ROR2: variants seen among roughly 807,000 people sequenced by gnomAD.
ROR2 encodes the protein tyrosine-protein kinase transmembrane receptor ROR2.
Under a neutral mutation model 74.9 loss-of-function variants are expected in ROR2, and 33 were observed. The observed-to-expected ratio is 0.44, with a 90% confidence interval of 0.33 to 0.59. The LOEUF (loss-of-function observed/expected upper bound fraction) is 0.59, where lower values mean the gene tolerates loss of function less well. Among genes scored for constraint, ROR2 ranks in the 20% least tolerant of loss-of-function variants. The pLI is 0.02. For synonymous variants in ROR2, 586 were observed against 558.7 expected (o/e 1.05, Z -0.69); for missense variants, 1,216 against 1,313.8 (o/e 0.93, Z 1.15).
chr9:91,859,691 G>A (rs772897012), intron 1 of ROR2, among the ~76,000 whole-genome samples: 28 of 152,044 alleles, frequency 1.8e-4, no homozygotes, highest in Non-Finnish European at 3.8e-4. Flanking sequence ...CGGTCGTGGT[G>A]GTGCACACCT....
chr9:91,884,262 C>T (rs2119373782), intron 1 of ROR2, among the ~76,000 whole-genome samples: 1 of 152,156 alleles, frequency 6.6e-6, no homozygotes. Flanking sequence ...GAAATACATC[C>T]AAATAAACAC....
intron 1 of ROR2, among the ~76,000 whole-genome samples, chr9:91,906,160 CAGA>C (rs531197418): frequency 3.7e-4 from 56 of 152,248 alleles, no homozygotes; most frequent in Middle Eastern, 3.4e-3. Flanking sequence ...ACTCCGCCTG[CAGA>C]AGGAGGTGGC....
intron 1 of ROR2, among the ~76,000 whole-genome samples, chr9:91,922,948 ACT>A (rs1460643603): frequency 6.6e-6 from 1 of 151,358 alleles, no homozygotes; most frequent in African/African-American, 2.4e-5. Context: ...CCTCCAACAG[ACT>A]CACTCTGCCT....
intron 5 of ROR2, among the ~76,000 whole-genome samples, chr9:91,736,516 A>C (rs923237449): frequency 6.6e-5 from 10 of 152,170 alleles, no homozygotes; most frequent in African/African-American, 2.4e-4. Flanking sequence ...CATGGAGAGG[A>C]TCCAACTAAA....
Position 91,726,564 on chromosome 9 carries a change from G to A in ROR2, c.1363C>T (p.Pro455Ser), listed in dbSNP as rs778708632. 1.4e-5 allele frequency: 22 copies of A among 1,612,626 alleles called. No individual in the cohort carries two copies. The highest frequency in any genetic ancestry group is 4.0e-5 in the African/African-American group (3 of 74,880). ...ACCTGTTTGTGCTGGTTAATGAGGG[G>A]CATTTCCATGTCTTGGCTGGGCGAG... ...MASPSQDMEM[P>S]LINQHKQAKL... The change falls in exon 8 of 9, where the codon CCC (proline) becomes TCC (serine). Residue 455 changes from proline (P) to serine (S), a missense_variant. Physicochemically the swap from Pro to Ser is moderately conservative, Grantham distance 74. Coordinates refer to ENST00000375708, the MANE Select transcript of ROR2 (RefSeq NM_004560.4).
At chr9:91,942,843 C>T (rs966724938) in intron 1 of ROR2, among the ~76,000 whole-genome samples, 1 of 152,170 alleles carries the variant, frequency 6.6e-6, no homozygotes, top group African/African-American at 2.4e-5. Context: ...GTTTTCTCCC[C>T]TAGAGCCCTG....
chr9:91,778,514 G>A (rs567233772), intron 1 of ROR2, among the ~76,000 whole-genome samples: 2 of 152,222 alleles, frequency 1.3e-5, no homozygotes, highest in Non-Finnish European at 1.5e-5. Context: ...CCCTGTCCTC[G>A]TTAGTTGCCT....
intron 1 of ROR2, among the ~76,000 whole-genome samples, chr9:91,949,297 C>T (rs961590263): frequency 6.6e-6 from 1 of 151,704 alleles, no homozygotes; most frequent in Non-Finnish European, 1.5e-5. Context: ...TCAAGCGGCC[C>T]GCGGGCTGGG....
intron 1 of ROR2, among the ~76,000 whole-genome samples, chr9:91,799,944 G>A (rs1474433134): frequency 6.6e-6 from 1 of 152,236 alleles, no homozygotes; most frequent in Non-Finnish European, 1.5e-5. Flanking sequence ...CACAGCTGAG[G>A]AGTGAAGGGA....
chr9:91,783,352 C>T (rs760027728), intron 1 of ROR2, among the ~76,000 whole-genome samples: 1 of 151,976 alleles, frequency 6.6e-6, no homozygotes, highest in Non-Finnish European at 1.5e-5. Context: ...TTGAGAATGA[C>T]ACACACAATG....
chr9:91,825,109 A>G (rs904798374), intron 1 of ROR2, among the ~76,000 whole-genome samples: 4 of 152,224 alleles, frequency 2.6e-5, no homozygotes, highest in African/African-American at 9.6e-5. Context: ...AACAAGAAAA[A>G]CACATCTGTT....
intron 8 of ROR2, among the ~76,000 whole-genome samples, chr9:91,726,005 G>C (rs1765935703): frequency 1.3e-5 from 2 of 152,198 alleles, no homozygotes; most frequent in Admixed American, 1.3e-4. Context: ...AACACAACCT[G>C]GAGAGGCTGC....
chr9:91,939,243 C>T (rs1350299749), intron 1 of ROR2, among the ~76,000 whole-genome samples: 1 of 151,190 alleles, frequency 6.6e-6, no homozygotes, highest in East Asian at 1.9e-4. Context: ...AGCGAGACTC[C>T]ATCTCAAAAA....
intron 4 of ROR2, among the ~76,000 whole-genome samples, chr9:91,739,611 T>C (rs1242421482): frequency 1.3e-5 from 2 of 152,106 alleles, no homozygotes; most frequent in Non-Finnish European, 2.9e-5. Context: ...GGCTGAACAC[T>C]TGCAATAGTG....
intron 1 of ROR2, among the ~76,000 whole-genome samples, chr9:91,838,323 C>T (rs550487290): frequency 7.2e-5 from 11 of 152,138 alleles, no homozygotes; most frequent in African/African-American, 2.4e-4. Context: ...CTGAAGGCCC[C>T]GAGAGCTGGG....
intron 1 of ROR2, among the ~76,000 whole-genome samples, chr9:91,878,199 G>T (rs1242080984): frequency 1.3e-5 from 2 of 152,186 alleles, no homozygotes; most frequent in African/African-American, 4.8e-5. Flanking sequence ...GCACACTGAT[G>T]TGGGGCAAGG....
intron 4 of ROR2, among the ~76,000 whole-genome samples, chr9:91,750,570 A>G (rs915780025): frequency 2.6e-5 from 4 of 152,190 alleles, no homozygotes; most frequent in African/African-American, 9.7e-5. Flanking sequence ...CAGCAGAATC[A>G]CCAACAGAAA....
At chr9:91,933,186 C>T (rs1300164764) in intron 1 of ROR2, among the ~76,000 whole-genome samples, 2 of 152,068 alleles carry the variant, frequency 1.3e-5, no homozygotes, top group African/African-American at 4.8e-5. Context: ...CATGGTGGCA[C>T]GCGCCTGTGG....
At chr9:91,744,213 CTTT>C (rs1167780367) in intron 4 of ROR2, among the ~76,000 whole-genome samples, 7,611 of 88,522 alleles carry the variant, frequency 0.086, 143 homozygotes, top group Middle Eastern at 0.16. Context: ...AATTTGTTAA[CTTT>C]TTTTTTTTTT....
Sources: gnomAD v4.1 joint callset for allele counts (sites outside exome capture counted in the v4.1 genomes callset) on GRCh38, gnomAD v4.1.1 for gene constraint, MANE v1.5 for transcripts, NCBI Gene and HGNC (gene_info 2026-07-23, HGNC 2026-07-21) for gene names.